The following GTF2A1 variants were observed in gnomAD, a reference collection of about 807,000 sequenced individuals.
The protein encoded by GTF2A1 is general transcription factor IIA subunit 1, also known as transcription initiation factor IIA subunit 1.
In GTF2A1, 12 loss-of-function variants were observed where a neutral mutation model predicts 54.1. That is an observed-to-expected ratio of 0.22 (90% CI 0.14 to 0.36). The LOEUF is 0.36. GTF2A1 is among the 10% of genes least tolerant of loss of function. The pLI is 1.00. For missense variants in GTF2A1, 335 were observed against 442.2 expected (o/e 0.76, Z 2.17); for synonymous variants, 145 against 152.0 (o/e 0.95, Z 0.34).
chr14:81,195,267 T>C (rs897746138), intron 6 of GTF2A1, among the ~76,000 whole-genome samples: 1 of 142,364 alleles, frequency 7.0e-6, no homozygotes, highest in Non-Finnish European at 1.5e-5. Flanking sequence ...ACTAAGGAAA[T>C]GAAAAAAGAG....
chr14:81,220,491 C>T lies in GTF2A1; in HGVS notation c.28G>A (p.Val10Met), dbSNP rs1161031071. MANSANTNT[V>M]PKLYRSVIED... ...CGGCCACCGAACCACGTCCTTACCA[C>T]GGTGTTTGTATTTGCCGAGTTCGCC... Residue 10 changes from valine (V) to methionine (M), a missense_variant and splice_region_variant, in exon 1 of 9, where the codon GTG (valine) becomes ATG (methionine). Val to Met is a conservative substitution (Grantham distance 21). Coordinates refer to ENST00000553612, the MANE Select transcript of GTF2A1 (RefSeq NM_015859.4). 4 of 1,575,304 alleles carry T rather than the reference C, an allele frequency of 2.5e-6. No homozygotes were observed. Among genetic ancestry groups the T allele is most frequent in the South Asian group, 1.2e-5 (1 of 86,674 alleles).
intron 2 of GTF2A1, among the ~76,000 whole-genome samples, chr14:81,205,866 A>G (rs1893218052): frequency 6.6e-6 from 1 of 152,210 alleles, no homozygotes; most frequent in South Asian, 2.1e-4. Context: ...AGAATAGCGC[A>G]CCATCAAAAT....
At chr14:81,200,970 G>GTTAACCTATA (rs1893095823) in intron 4 of GTF2A1, among the ~76,000 whole-genome samples, 2 of 151,598 alleles carry the variant, frequency 1.3e-5, no homozygotes, top group South Asian at 4.2e-4. Context: ...CAAGTTTACA[G>GTTAACCTATA]TTAACCTATA....
intron 6 of GTF2A1, among the ~76,000 whole-genome samples, chr14:81,194,071 TA>T (rs2140155260): frequency 6.6e-6 from 1 of 152,290 alleles, no homozygotes; most frequent in Non-Finnish European, 1.5e-5. Context: ...TGTTTGTGCT[TA>T]AAGGCAGCGG....
intron 7 of GTF2A1, among the ~76,000 whole-genome samples, chr14:81,191,582 A>G (rs909611805): frequency 6.6e-6 from 1 of 152,228 alleles, no homozygotes; most frequent in African/African-American, 2.4e-5. Context: ...CGTTGTAAAC[A>G]TGCAAAACTA....
chr14:81,220,440 T>A, intron 1 of GTF2A1, 49 bp downstream of exon 1: 1 of 1,414,436 alleles, frequency 7.1e-7, no homozygotes, highest in South Asian at 1.3e-5. Context: ...GTCCGGCCGT[T>A]GCTGCAGCCT....
At chr14:81,190,598 TAC>T (rs1391702998) in intron 7 of GTF2A1, among the ~76,000 whole-genome samples, 2 of 152,052 alleles carry the variant, frequency 1.3e-5, no homozygotes, top group East Asian at 1.9e-4. Context: ...AACATTCACT[TAC>T]AGTTTAAAAA....
intron 3 of GTF2A1, among the ~76,000 whole-genome samples, chr14:81,202,047 T>C (rs150197154): frequency 3.4e-4 from 52 of 152,036 alleles, no homozygotes; most frequent in African/African-American, 1.2e-3. Context: ...TGAGAATCAC[T>C]TGAACTCCGG....
rs1457330581 is a variant in GTF2A1, at chr14:81,207,170, CCT to C, written c.133-3068_133-3067del. 2.6e-4 allele frequency among the ~76,000 whole-genome samples: 40 copies of C among 151,950 alleles called. 1 individual carries two copies. Among genetic ancestry groups the C allele is most frequent in the African/African-American group, 9.2e-4 (38 of 41,410 alleles). On this transcript the variant is annotated intron_variant, in intron 2 of 8. Transcript: ENST00000553612. ...ACCTACCTACCTACCTACCTACCTACCTACCTACCTACCTACCTACCTGATAT... is the reference window on the plus strand; with the variant it reads ...ACCTACCTACCTACCTACCTACCTACACCTACCTACCTACCTACCTGATAT...
intron 1 of GTF2A1, 22 bp downstream of exon 1, chr14:81,220,467 G>A (rs1893605713): frequency 7.1e-6 from 11 of 1,540,152 alleles, no homozygotes; most frequent in East Asian, 2.5e-5. Context: ...AGCCCCCGCC[G>A]GCCACCGAAC....
chr14:81,189,827 C>G (rs1892834981), intron 7 of GTF2A1, among the ~76,000 whole-genome samples: 1 of 152,118 alleles, frequency 6.6e-6, no homozygotes, highest in Admixed American at 6.6e-5. Context: ...CTGACCAAAT[C>G]AAGCAAGTCT....
intron 2 of GTF2A1, among the ~76,000 whole-genome samples, chr14:81,211,715 A>C (rs1893367143): frequency 6.6e-6 from 1 of 151,938 alleles, no homozygotes; most frequent in South Asian, 2.1e-4. Context: ...TACTTTCACA[A>C]AACATCTAGC....
intron 8 of GTF2A1, among the ~76,000 whole-genome samples, chr14:81,182,762 G>A (rs1242928322): frequency 6.6e-6 from 1 of 152,098 alleles, no homozygotes; most frequent in African/African-American, 2.4e-5. Flanking sequence ...TTAAGAGTAA[G>A]AGCCATGTCC....
intron 1 of GTF2A1, among the ~76,000 whole-genome samples, chr14:81,219,817 T>TG (rs1407308527): frequency 1.3e-5 from 2 of 152,192 alleles, no homozygotes; most frequent in East Asian, 1.9e-4. Flanking sequence ...TGCAGGCTTT[T>TG]TTTGTTTGTT....
intron 5 of GTF2A1, 35 bp from the exon 6 acceptor site, chr14:81,196,276 T>TTA: frequency 6.2e-7 from 1 of 1,610,602 alleles, no homozygotes; most frequent in Non-Finnish European, 8.5e-7. Flanking sequence ...AGTTATCATT[T>TTA]TAGCAGTGAC....
chr14:81,190,127 T>G (rs1482181770), intron 7 of GTF2A1, among the ~76,000 whole-genome samples: 1 of 152,036 alleles, frequency 6.6e-6, no homozygotes, highest in Non-Finnish European at 1.5e-5. Flanking sequence ...GATAAATATA[T>G]AGAGAGTCCT....
At chr14:81,207,139 G>GTACGTACCTACC (rs985414261) in intron 2 of GTF2A1, among the ~76,000 whole-genome samples, 5 of 147,780 alleles carry the variant, frequency 3.4e-5, no homozygotes, top group African/African-American at 1.0e-4. Context: ...ACCTACCTAC[G>GTACGTACCTACC]TACCTACCTA....
chr14:81,210,836 T>C (rs535979487), intron 2 of GTF2A1, among the ~76,000 whole-genome samples: 1 of 152,134 alleles, frequency 6.6e-6, no homozygotes, highest in African/African-American at 2.4e-5. Flanking sequence ...ATTACAGGCA[T>C]GAGACACCGC....
intron 2 of GTF2A1, among the ~76,000 whole-genome samples, chr14:81,212,848 G>A (rs931130619): frequency 2.0e-5 from 3 of 152,158 alleles, no homozygotes; most frequent in Non-Finnish European, 2.9e-5. Context: ...TGTGGCTAGT[G>A]GCTACCATAC....
Sources: allele counts gnomAD v4.1 joint callset (sites outside exome capture counted in the v4.1 genomes callset), GRCh38; gene constraint gnomAD v4.1.1; transcripts MANE v1.5; gene names NCBI Gene and HGNC (gene_info 2026-07-23, HGNC 2026-07-21).